The following PTPRD variants were observed in gnomAD, a reference collection of about 807,000 sequenced individuals.
The protein encoded by PTPRD is receptor-type tyrosine-protein phosphatase delta.
PTPRD carries 34 observed loss-of-function variants against 214.5 expected under a neutral mutation model. The observed-to-expected ratio is 0.16, with a 90% CI of 0.12 to 0.21. The LOEUF (loss-of-function observed/expected upper bound fraction) is 0.21. PTPRD is among the 10% of genes least tolerant of loss of function. The pLI is 1.00. For synonymous variants in PTPRD, 1,128 were observed against 845.7 expected, an observed-to-expected ratio of 1.33 and a Z score of -5.79; for missense variants, 2,545 against 2,398.7, an observed-to-expected ratio of 1.06 and a Z score of -1.27.
intron 3 of PTPRD, among the ~76,000 whole-genome samples, chr9:10,279,346 G>A (rs1422268389): frequency 6.6e-6 from 1 of 152,100 alleles, no homozygotes; most frequent in Non-Finnish European, 1.5e-5. Flanking sequence ...ACAGTTTGGT[G>A]ATTTAGGAAA....
At chr9:9,858,462 C>T (rs906234481) in intron 5 of PTPRD, among the ~76,000 whole-genome samples, 2 of 152,142 alleles carry the variant, frequency 1.3e-5, no homozygotes, top group Non-Finnish European at 2.9e-5. Context: ...TTTAATCTAT[C>T]GATGAAGAAT....
At chr9:9,104,422 A>T (rs1423421398) in intron 10 of PTPRD, among the ~76,000 whole-genome samples, 2 of 152,224 alleles carry the variant, frequency 1.3e-5, no homozygotes, top group East Asian at 3.8e-4. Context: ...ATAGTGTGCC[A>T]ATTCCTGAGA....
chr9:9,338,458 G>T lies in PTPRD; in HGVS notation c.-203+58991C>A, dbSNP rs545851749. 4.4e-3 allele frequency among the ~76,000 whole-genome samples: 663 copies of T among 151,910 alleles called. 3 individuals carry two copies. The highest frequency in any genetic ancestry group is 7.7e-3 in the Non-Finnish European group (525 of 67,912). On this transcript the variant is annotated intron_variant, in intron 9 of 45. Transcript: ENST00000381196. ...TTTTACAAAACAAGAAAGGCTTTAG[G>T]TTTTTTTAGTTAAAAAACATTTTAA...
chr9:10,138,074 A>T (rs1402401812), intron 3 of PTPRD, among the ~76,000 whole-genome samples: 2 of 152,084 alleles, frequency 1.3e-5, no homozygotes, highest in African/African-American at 2.4e-5. Context: ...ATATGCAAAA[A>T]TTCATAGAAA....
At chr9:10,222,963 T>G (rs1031854477) in intron 3 of PTPRD, among the ~76,000 whole-genome samples, 1 of 152,024 alleles carries the variant, frequency 6.6e-6, no homozygotes, top group Non-Finnish European at 1.5e-5. Context: ...GAAGAGGTGT[T>G]GAGGTTCTAT....
At chr9:9,387,336 G>A (rs1417593051) in intron 9 of PTPRD, among the ~76,000 whole-genome samples, 2 of 152,160 alleles carry the variant, frequency 1.3e-5, no homozygotes, top group African/African-American at 4.8e-5. Flanking sequence ...TAGGGCTAGA[G>A]TGTCTCATTT....
intron 3 of PTPRD, among the ~76,000 whole-genome samples, chr9:10,254,927 C>T (rs867514981): frequency 6.6e-6 from 1 of 152,090 alleles, no homozygotes; most frequent in South Asian, 2.1e-4. Flanking sequence ...TTAAGAAATC[C>T]AAATATATAT....
intron 8 of PTPRD, among the ~76,000 whole-genome samples, chr9:9,495,088 G>A (rs564181345): frequency 1.3e-5 from 2 of 151,916 alleles, no homozygotes; most frequent in African/African-American, 4.8e-5. Context: ...TCAATAAATG[G>A]TACTGGGAAG....
chr9:9,196,999 G>C (rs931014772), intron 9 of PTPRD, among the ~76,000 whole-genome samples: 3 of 152,152 alleles, frequency 2.0e-5, no homozygotes, highest in Non-Finnish European at 4.4e-5. Flanking sequence ...AATCATGTCT[G>C]AGAATAGACA....
intron 14 of PTPRD, among the ~76,000 whole-genome samples, chr9:8,544,706 A>T (rs1205554971): frequency 6.6e-6 from 1 of 150,822 alleles, no homozygotes; most frequent in Non-Finnish European, 1.5e-5. Context: ...CCGAACCTTC[A>T]GTGACCCACC....
chr9:10,098,599 C>T lies in PTPRD; in HGVS notation c.-544-64809G>A, dbSNP rs140965563. Among the ~76,000 whole-genome samples, 217 of 151,862 alleles carry T rather than the reference C, an allele frequency of 1.4e-3. 1 individual carries two copies. Among genetic ancestry groups the T allele is most frequent in the Middle Eastern group, 0.01 (3 of 294 alleles). On this transcript the variant is annotated intron_variant, in intron 3 of 45. Transcript: ENST00000381196. ...AAGAGGTAGAGGTATCTTTCTGAGC[C>T]ATATTTTTCTCAGACTAGCAGAGTA...
intron 10 of PTPRD, among the ~76,000 whole-genome samples, chr9:9,155,841 T>C (rs998279503): frequency 6.6e-6 from 1 of 152,162 alleles, no homozygotes; most frequent in African/African-American, 2.4e-5. Flanking sequence ...AACTGATGGG[T>C]TCAGAACACT....
chr9:8,494,687 A>T (rs2097221832), intron 26 of PTPRD, among the ~76,000 whole-genome samples: 2 of 152,244 alleles, frequency 1.3e-5, no homozygotes, highest in African/African-American at 4.8e-5. Flanking sequence ...AATTGGAGTT[A>T]ACCACACATA....
At chr9:8,452,892 G>T (rs1351335616) in intron 33 of PTPRD, among the ~76,000 whole-genome samples, 2 of 152,124 alleles carry the variant, frequency 1.3e-5, no homozygotes, top group South Asian at 2.1e-4. Context: ...TTGAAACAAA[G>T]ATATACAGAC....
chr9:8,323,563 G>C (rs755454817), intron 44 of PTPRD, among the ~76,000 whole-genome samples: 2 of 152,092 alleles, frequency 1.3e-5, no homozygotes, highest in Non-Finnish European at 2.9e-5. Context: ...TGACTTTGAG[G>C]GGTTCAAGAC....
chr9:8,663,544 G>T (rs1437867975), intron 12 of PTPRD, among the ~76,000 whole-genome samples: 1 of 152,098 alleles, frequency 6.6e-6, no homozygotes, highest in Non-Finnish European at 1.5e-5. Context: ...AGGCTGGAGT[G>T]CAGTGGTGCG....
intron 11 of PTPRD, among the ~76,000 whole-genome samples, chr9:8,826,617 G>A (rs904035150): frequency 2.3e-4 from 33 of 142,226 alleles, no homozygotes; most frequent in Admixed American, 4.4e-4. Context: ...AAGATTCCAA[G>A]ACTGCAGGCA....
chr9:9,381,511 C>T (rs2062235535), intron 9 of PTPRD, among the ~76,000 whole-genome samples: 1 of 151,726 alleles, frequency 6.6e-6, no homozygotes, highest in African/African-American at 2.4e-5. Context: ...TATGCATGCA[C>T]CACCATACCC....
intron 7 of PTPRD, among the ~76,000 whole-genome samples, chr9:9,605,687 C>G (rs960176038): frequency 6.6e-6 from 1 of 151,918 alleles, no homozygotes; most frequent in African/African-American, 2.4e-5. Flanking sequence ...TCAGGGAGAA[C>G]AATTAGGAAG....
Sources: gnomAD v4.1 joint callset for allele counts (sites outside exome capture counted in the v4.1 genomes callset) on GRCh38, gnomAD v4.1.1 for gene constraint, MANE v1.5 for transcripts, NCBI Gene and HGNC (gene_info 2026-07-23, HGNC 2026-07-21) for gene names.